STXBP6: variants seen among roughly 807,000 people sequenced by gnomAD.
The protein encoded by STXBP6 is syntaxin-binding protein 6.
STXBP6 carries 21 observed loss-of-function variants against 26.9 expected under a neutral mutation model. The observed-to-expected ratio is 0.78, with a 90% CI of 0.55 to 1.12. The LOEUF (loss-of-function observed/expected upper bound fraction) is 1.12, where lower values mean the gene tolerates loss of function less well. STXBP6 is among the 50% of genes most tolerant of loss of function. The pLI is 0.00. For missense variants in STXBP6, 232 were observed against 257.9 expected (o/e 0.90, Z 0.69); for synonymous variants, 97 against 92.6 (o/e 1.05, Z -0.27).
At chr14:24,923,079 C>G (rs372636590) in intron 2 of STXBP6, among the ~76,000 whole-genome samples, 18 of 152,234 alleles carry the variant, frequency 1.2e-4, no homozygotes, top group African/African-American at 3.6e-4. Flanking sequence ...CTACTGATGT[C>G]TCCATGCATC....
intron 2 of STXBP6, among the ~76,000 whole-genome samples, chr14:24,961,469 A>T (rs969365133): frequency 6.6e-6 from 1 of 152,228 alleles, no homozygotes; most frequent in East Asian, 1.9e-4. Flanking sequence ...AAAAAACATA[A>T]AAAGAATATT....
chr14:24,907,668 T>A (rs1252954529), intron 2 of STXBP6, among the ~76,000 whole-genome samples: 1 of 152,160 alleles, frequency 6.6e-6, no homozygotes, highest in Non-Finnish European at 1.5e-5. Flanking sequence ...AATAAGCATT[T>A]AAAAAAATCT....
chr14:24,829,831 G>T (rs1157295923), intron 4 of STXBP6, among the ~76,000 whole-genome samples: 1 of 152,134 alleles, frequency 6.6e-6, no homozygotes, highest in East Asian at 1.9e-4. Context: ...ACAGGAGGCA[G>T]GATGTGTATG....
chr14:25,022,994 T>C (rs147675690), intron 1 of STXBP6, among the ~76,000 whole-genome samples: 17 of 152,346 alleles, frequency 1.1e-4, no homozygotes, highest in African/African-American at 4.1e-4. Context: ...ACTTTAGCAT[T>C]AGCAGCCATA....
At chr14:25,007,384 A>T (rs1304312695) in intron 1 of STXBP6, among the ~76,000 whole-genome samples, 1 of 152,214 alleles carries the variant, frequency 6.6e-6, no homozygotes, top group African/African-American at 2.4e-5. Flanking sequence ...GGTAGTAGTA[A>T]CTATGACAGC....
At chr14:24,998,543 A>T (rs921364797) in intron 1 of STXBP6, among the ~76,000 whole-genome samples, 3 of 152,320 alleles carry the variant, frequency 2.0e-5, no homozygotes, top group African/African-American at 7.2e-5. Context: ...CTAGAGAATG[A>T]CTACTACTTG....
intron 2 of STXBP6, among the ~76,000 whole-genome samples, chr14:24,947,893 T>C (rs1165156949): frequency 6.6e-6 from 1 of 152,188 alleles, no homozygotes; most frequent in East Asian, 1.9e-4. Context: ...CATCTTGTTA[T>C]ATAAACTCAT....
chr14:24,893,275 A>C (rs1043733284), intron 2 of STXBP6, among the ~76,000 whole-genome samples: 9 of 152,232 alleles, frequency 5.9e-5, no homozygotes, highest in Non-Finnish European at 8.8e-5. Context: ...ATGTGCCAGG[A>C]CCTATTCAAA....
chr14:24,837,771 T>C (rs1323341693), intron 4 of STXBP6, among the ~76,000 whole-genome samples: 1 of 152,196 alleles, frequency 6.6e-6, no homozygotes, highest in African/African-American at 2.4e-5. Context: ...AAGATACAGC[T>C]CTAACACGAC....
In STXBP6 at chr14:25,049,719, C is replaced by T. The variant is rs950561466; in HGVS notation, c.-33+159G>A. The T allele has an allele frequency of 5.1e-6, 5 of 985,568 alleles. No individual in the cohort carries two copies. The African/African-American group carries it at 7.0e-5, about 14-fold the overall frequency. 61.1% of individuals were successfully genotyped at this position (985,568 alleles called of 1,614,324 possible). Reference sequence around the variant, plus strand: ...GGCCCCCTCTCCCGCCACCCGCCAACTTGGAAGAATCTCTCTGGGAGCCTG... The same window carrying T: ...GGCCCCCTCTCCCGCCACCCGCCAATTTGGAAGAATCTCTCTGGGAGCCTG... On this transcript the variant is annotated intron_variant, in intron 1 of 5. Coordinates refer to ENST00000323944, the MANE Select transcript of STXBP6 (RefSeq NM_001394410.1). This position sits in a 1 kb window ranked among gnomAD's most constrained non-coding sequence, Gnocchi z 5.6.
intron 1 of STXBP6, among the ~76,000 whole-genome samples, chr14:24,976,750 T>C (rs538050269): frequency 1.3e-5 from 2 of 152,104 alleles, no homozygotes; most frequent in South Asian, 4.1e-4. Flanking sequence ...CTCTCACTAT[T>C]TGGGTACAGG....
chr14:24,965,916 T>G (rs1465121285), intron 2 of STXBP6, among the ~76,000 whole-genome samples: 1 of 152,180 alleles, frequency 6.6e-6, no homozygotes, highest in Non-Finnish European at 1.5e-5. Context: ...CAGTGCCTTC[T>G]TGGTAGGCTG....
chr14:24,862,674 T>A (rs2069581277), intron 2 of STXBP6, among the ~76,000 whole-genome samples: 2 of 152,202 alleles, frequency 1.3e-5, no homozygotes, highest in African/African-American at 4.8e-5. Flanking sequence ...CTAGGAAATT[T>A]CTCCAAAAGG....
intron 2 of STXBP6, among the ~76,000 whole-genome samples, chr14:24,913,376 G>C (rs1005388779): frequency 6.6e-6 from 1 of 152,138 alleles, no homozygotes; most frequent in Non-Finnish European, 1.5e-5. Context: ...ATAAATGTTT[G>C]ATATAAAGGG....
At chr14:24,886,779 A>G (rs2070604338) in intron 2 of STXBP6, among the ~76,000 whole-genome samples, 1 of 152,240 alleles carries the variant, frequency 6.6e-6, no homozygotes, top group South Asian at 2.1e-4. Flanking sequence ...AGAATTTTAA[A>G]AAACACCAAT....
chr14:25,045,393 T>G (rs1428477744), intron 1 of STXBP6, among the ~76,000 whole-genome samples: 2 of 152,074 alleles, frequency 1.3e-5, no homozygotes, highest in Non-Finnish European at 2.9e-5. Flanking sequence ...AACAGCACTT[T>G]ACCCAACATA....
chr14:24,819,433 T>C (rs1441488971), intron 4 of STXBP6: 3 of 591,826 alleles, frequency 5.1e-6, no homozygotes, highest in Non-Finnish European at 9.1e-6. Flanking sequence ...TATAAACTCA[T>C]CACTGACATG....
Position 24,974,623 on chromosome 14 carries a change from A to G in STXBP6, c.154+42T>C, listed in dbSNP as rs780095540. The G allele has an allele frequency of 6.0e-6, 9 of 1,505,072 alleles. 2 individuals are homozygous for G. In the South Asian group the frequency reaches 1.1e-4, roughly 19 times the overall value. 93.2% of individuals were successfully genotyped at this position (1,505,072 alleles called of 1,614,324 possible). ...ATACCTCAGAATGAACTGTTTTAAA[A>G]TGGAAGTTATTTTAATAATATTAAT... On this transcript the variant is annotated intron_variant, in intron 2 of 5. Transcript: ENST00000323944.
At chr14:24,987,001 T>G (rs1276545900) in intron 1 of STXBP6, among the ~76,000 whole-genome samples, 1 of 152,200 alleles carries the variant, frequency 6.6e-6, no homozygotes, top group Non-Finnish European at 1.5e-5. Flanking sequence ...GTCAACCCCT[T>G]TTTAATCAGC....
Sources: allele counts gnomAD v4.1 joint callset (sites outside exome capture counted in the v4.1 genomes callset), GRCh38; gene constraint gnomAD v4.1.1; non-coding constraint Gnocchi (gnomAD v3.1); transcripts MANE v1.5; gene names NCBI Gene and HGNC (gene_info 2026-07-23, HGNC 2026-07-21).